Variants in AGAP1 observed in about 807,000 individuals in gnomAD.
AGAP1 encodes the protein ArfGAP with GTPase domain, ankyrin repeat and PH domain 1.
In AGAP1, 29 loss-of-function variants were observed where a neutral mutation model predicts 105.3. The ratio of observed to expected loss-of-function variants is 0.28; its 90% CI spans 0.21 to 0.38. The LOEUF is 0.38. Among genes scored for constraint, AGAP1 ranks in the 10% least tolerant of loss-of-function variants. The pLI, the probability that AGAP1 is intolerant of heterozygous loss-of-function variation, is 1.00. For missense variants in AGAP1, 998 were observed against 1,165.1 expected (o/e 0.86, Z 2.09); for synonymous variants, 509 against 485.9 (o/e 1.05, Z -0.63).
intron 10 of AGAP1, among the ~76,000 whole-genome samples, chr2:235,884,046 C>G (rs1420394121): frequency 6.6e-6 from 1 of 152,066 alleles, no homozygotes; most frequent in East Asian, 1.9e-4. Context: ...GACGTTCTAC[C>G]CATTGATAAA....
At chr2:235,653,962 A>G (rs1210123896) in intron 1 of AGAP1, among the ~76,000 whole-genome samples, 1 of 152,240 alleles carries the variant, frequency 6.6e-6, no homozygotes, top group Non-Finnish European at 1.5e-5. Flanking sequence ...AGGCTGAGGC[A>G]GGAGAATCAC....
intron 13 of AGAP1, 66 bp downstream of exon 13, chr2:235,968,689 T>A (rs1220079709): frequency 1.3e-6 from 2 of 1,507,794 alleles, no homozygotes; most frequent in Non-Finnish European, 1.8e-6. Context: ...ATTTTTCAAA[T>A]GCGTGAAATT....
At position 235,981,101 on chromosome 2, in the gene AGAP1, A is replaced by G. The variant is rs76576654; in HGVS notation, c.1645+12478A>G. Among the ~76,000 whole-genome samples the G allele has an allele frequency of 0.066, 10,018 of 152,166 alleles. 1,093 individuals carry two copies. The highest frequency in any genetic ancestry group is 0.23 in the African/African-American group (9,546 of 41,432). The stretch of plus-strand genomic sequence containing the variant: ...ACATTTTGTGCAAGGCTAAGGAATT[A>G]GACACCCCAGAGTATGTGATCACTG... On this transcript the variant is annotated intron_variant, in intron 13 of 17. Coordinates refer to ENST00000304032, the MANE Select transcript of AGAP1 (RefSeq NM_001037131.3). The surrounding 1 kb of genome is among the most constrained non-coding windows in gnomAD (Gnocchi z 5.5).
At chr2:236,079,555 C>T (rs199667682) in intron 16 of AGAP1, among the ~76,000 whole-genome samples, 17 of 62,346 alleles carry the variant, frequency 2.7e-4, no homozygotes, top group African/African-American at 8.8e-4. Context: ...TATATATATA[C>T]ACACACACAC....
intron 1 of AGAP1, among the ~76,000 whole-genome samples, chr2:235,602,689 C>A (rs186476223): frequency 2.0e-5 from 3 of 149,086 alleles, no homozygotes; most frequent in African/African-American, 7.6e-5. Context: ...AGCAGTTATC[C>A]GCATCAGACA....
intron 13 of AGAP1, among the ~76,000 whole-genome samples, chr2:236,021,717 CTA>C (rs1203692647): frequency 6.6e-6 from 1 of 151,906 alleles, no homozygotes; most frequent in Non-Finnish European, 1.5e-5. Flanking sequence ...GGTCAGATAA[CTA>C]TTTTTTTTTC....
rs2056129534 is a variant in AGAP1, at chr2:236,001,710, A to G, written c.1645+33087A>G. Among the ~76,000 whole-genome samples the G allele has an allele frequency of 6.6e-6, 1 of 152,140 alleles. No homozygotes were observed. The highest frequency in any genetic ancestry group is 1.5e-5 in the Non-Finnish European group (1 of 68,032). ...TTCCCCTTTTGTTTTGTTTCTGTAT[A>G]AGATCATACCATGTATATTCTGGAA... is the stretch of plus-strand genomic sequence containing the variant. On this transcript the variant is annotated intron_variant, in intron 13 of 17. Transcript: ENST00000304032. The surrounding 1 kb of genome is among the most constrained non-coding windows in gnomAD (Gnocchi z 4.7).
chr2:235,801,391 G>A lies in AGAP1; in HGVS notation c.957+1869G>A, dbSNP rs374436493. Among the ~76,000 whole-genome samples, 4 of 152,278 alleles carry A rather than the reference G, an allele frequency of 2.6e-5. No individual in the cohort carries two copies. The highest frequency in any genetic ancestry group is 3.4e-3 in the Middle Eastern group (1 of 294). On this transcript the variant is annotated intron_variant, in intron 8 of 17. Transcript: ENST00000304032. The surrounding 1 kb of genome is among the most constrained non-coding windows in gnomAD (Gnocchi z 6.0). Reference sequence around the variant, plus strand: ...TGATGCTATAAAATGATTTCTGATCGTGTTAAGCATATGTGATAGATTAGG... The same window carrying A: ...TGATGCTATAAAATGATTTCTGATCATGTTAAGCATATGTGATAGATTAGG...
rs564988777 is a variant in AGAP1 at position 235,700,240 on chromosome 2, C to T, written c.164-8939C>T. On this transcript the variant is annotated intron_variant, in intron 1 of 17. Coordinates refer to ENST00000304032, the MANE Select transcript of AGAP1 (RefSeq NM_001037131.3). The surrounding 1 kb of genome is among the most constrained non-coding windows in gnomAD (Gnocchi z 6.1). Reference sequence around the variant, plus strand: ...GAACACAGTTCTTCTGAAGGAAATGCGGAAGATAATCCCAGCAGTGCAGGA... The same window carrying T: ...GAACACAGTTCTTCTGAAGGAAATGTGGAAGATAATCCCAGCAGTGCAGGA... Among the ~76,000 whole-genome samples, 2 of 152,168 alleles carry T rather than the reference C, an allele frequency of 1.3e-5. No homozygotes were observed. The highest frequency in any genetic ancestry group is 1.9e-4 in the East Asian group (1 of 5,190).
At chr2:235,562,873 A>G (rs1431696800) in intron 1 of AGAP1, among the ~76,000 whole-genome samples, 2 of 152,058 alleles carry the variant, frequency 1.3e-5, no homozygotes, top group Admixed American at 6.5e-5. Flanking sequence ...CCTGGACAAC[A>G]TGGGGAGATC....
intron 1 of AGAP1, among the ~76,000 whole-genome samples, chr2:235,604,435 T>C (rs1945846228): frequency 6.6e-6 from 1 of 151,342 alleles, no homozygotes; most frequent in Admixed American, 6.6e-5. Flanking sequence ...AAAACCACGA[T>C]TGTGCCAGTG....
intron 1 of AGAP1, among the ~76,000 whole-genome samples, chr2:235,624,841 G>C (rs1946590057): frequency 6.6e-6 from 1 of 152,136 alleles, no homozygotes; most frequent in Non-Finnish European, 1.5e-5. Context: ...TGATGAGCGA[G>C]TTCTTGCTCA....
rs2055635678 is a variant in AGAP1, at chr2:235,992,960, A to G, written c.1645+24337A>G. ...GGCTGGCCACATAGTGGAACTGGAAATGCCTCCATGCTGACGTGTCTGCCT... is the reference window on the plus strand; with the variant it reads ...GGCTGGCCACATAGTGGAACTGGAAGTGCCTCCATGCTGACGTGTCTGCCT... On this transcript the variant is annotated intron_variant, in intron 13 of 17. Coordinates refer to ENST00000304032, the MANE Select transcript of AGAP1 (RefSeq NM_001037131.3). This position sits in a 1 kb window ranked among gnomAD's most constrained non-coding sequence, Gnocchi z 4.8. 6.6e-6 allele frequency among the ~76,000 whole-genome samples: 1 copy of G among 152,178 alleles called. No individual in the cohort carries two copies. Among genetic ancestry groups the G allele is most frequent in the South Asian group, 2.1e-4 (1 of 4,830 alleles).
intron 1 of AGAP1, among the ~76,000 whole-genome samples, chr2:235,508,844 G>A (rs1941947187): frequency 6.6e-6 from 1 of 152,258 alleles, no homozygotes; most frequent in Non-Finnish European, 1.5e-5. Flanking sequence ...TAGCAAAAGA[G>A]GGAGAAAGGG....
chr2:235,589,931 A>T (rs890101703), intron 1 of AGAP1, among the ~76,000 whole-genome samples: 1 of 151,364 alleles, frequency 6.6e-6, no homozygotes, highest in Non-Finnish European at 1.5e-5. Flanking sequence ...CCCAGGCTGG[A>T]GTGCAGTGGT....
chr2:236,075,441 G>A (rs539832247), intron 16 of AGAP1, among the ~76,000 whole-genome samples: 3 of 152,262 alleles, frequency 2.0e-5, no homozygotes, highest in South Asian at 4.2e-4. Flanking sequence ...GGATGAAGCC[G>A]CAAAGGGTCC....
At chr2:235,592,058 C>A (rs145771768) in intron 1 of AGAP1, among the ~76,000 whole-genome samples, 1 of 152,172 alleles carries the variant, frequency 6.6e-6, no homozygotes, top group South Asian at 2.1e-4. Context: ...TCCTTTATAG[C>A]AACGCAAGAA....
intron 1 of AGAP1, among the ~76,000 whole-genome samples, chr2:235,533,597 C>T (rs1574785171): frequency 6.6e-6 from 1 of 152,344 alleles, no homozygotes; most frequent in South Asian, 2.1e-4. Context: ...CATCCTACTC[C>T]AGTATTTAAA....
In AGAP1 at chr2:235,799,396, C is replaced by G; in HGVS notation, c.831C>G (p.Asp277Glu). 6.2e-7 allele frequency: 1 copy of G among 1,614,122 alleles called. No homozygotes were observed. Among genetic ancestry groups the G allele is most frequent in the Non-Finnish European group, 8.5e-7 (1 of 1,180,022 alleles). Reference protein sequence around the residue: ...QTSNGGGSLSDYSSSVPSTPS... With the variant: ...QTSNGGGSLSEYSSSVPSTPS... ...GTAATGGAGGTGGGAGTTTAAGCGA[C>G]TATTCCTCCTCCGTTCCATCGACTC... is the stretch of plus-strand genomic sequence containing the variant. The change falls in exon 8 of 18, where the codon GAC becomes GAG. Residue 277 changes from aspartate to glutamate, a missense_variant. Physicochemically the swap from Asp to Glu is conservative, Grantham distance 45 (BLOSUM62 2). Transcript: ENST00000304032. The surrounding 1 kb of genome is among the most constrained non-coding windows in gnomAD (Gnocchi z 5.0).
Sources: allele counts gnomAD v4.1 joint callset (sites outside exome capture counted in the v4.1 genomes callset), GRCh38; gene constraint gnomAD v4.1.1; non-coding constraint Gnocchi (gnomAD v3.1); transcripts MANE v1.5; gene names NCBI Gene and HGNC (gene_info 2026-07-23, HGNC 2026-07-21).